Variants in ECM2 observed in about 807,000 individuals in gnomAD.
ECM2 encodes extracellular matrix protein 2, female organ and adipocyte specific.
In ECM2, 57 loss-of-function variants were observed where a neutral mutation model predicts 67.5. The ratio of observed to expected loss-of-function variants is 0.84; its 90% CI spans 0.68 to 1.05. The LOEUF is 1.05. ECM2 is among the 50% of genes least tolerant of loss of function. The pLI, the probability that ECM2 is intolerant of heterozygous loss-of-function variation, is 0.00. For synonymous variants in ECM2, 258 were observed against 294.5 expected (o/e 0.88, Z 1.27); for missense variants, 741 against 822.8 (o/e 0.90, Z 1.22).
At chr9:92,533,853 C>T (rs10435919) in intron 1 of ECM2, among the ~76,000 whole-genome samples, 101,041 of 151,912 alleles carry the variant, frequency 0.67, 35,279 homozygotes, top group African/African-American at 0.89. Context: ...TTAGTGTTGC[C>T]GATGAGAAAT....
chr9:92,551,941 A>T, the ECM2 span, among the ~76,000 whole-genome samples: 1,492 of 64,690 alleles, frequency 0.023, 135 homozygotes, highest in African/African-American at 0.18. Flanking sequence ...ATATATATAT[A>T]TATATATATA....
Position 92,514,957 on chromosome 9 carries a change from C to T in ECM2, c.728G>A (p.Gly243Glu). 5 of 1,614,082 alleles carry T rather than the reference C, an allele frequency of 3.1e-6. No homozygotes were observed. The highest frequency in any genetic ancestry group is 4.2e-6 in the Non-Finnish European group (5 of 1,180,018). The change falls in exon 4 of 10, where the codon GGG (glycine) becomes GAG (glutamate). Residue 243 changes from glycine to glutamate, a missense_variant. By Grantham distance (98) the Gly-to-Glu change is moderately conservative. Coordinates refer to ENST00000344604, the MANE Select transcript of ECM2 (RefSeq NM_001393.4). Reference sequence around the variant, plus strand: ...CTTTCTGTCTCCTCCTCTGCTGTCCCCCTCACTGTAAAGTTGCCCCTGATT... The same window carrying T: ...CTTTCTGTCTCCTCCTCTGCTGTCCTCCTCACTGTAAAGTTGCCCCTGATT... Reference protein sequence around the residue: ...SRNQGQLYSEGDSRGGDRKQR... With the variant: ...SRNQGQLYSEEDSRGGDRKQR...
chr9:92,517,632 A>G (rs759512415), intron 3 of ECM2, 55 bp downstream of exon 3: 40 of 1,603,330 alleles, frequency 2.5e-5, no homozygotes, highest in Non-Finnish European at 3.3e-5. Context: ...ACAAAAACAA[A>G]TGGAAGTTAA....
chr9:92,530,070 CAGG>C (rs937178087), intron 1 of ECM2, among the ~76,000 whole-genome samples: 7 of 151,936 alleles, frequency 4.6e-5, no homozygotes, highest in Non-Finnish European at 8.8e-5. Context: ...TTAAAGTATA[CAGG>C]AGGATATGTG....
chr9:92,522,836 G>GA lies in ECM2; in HGVS notation c.30dup (p.Leu11SerfsTer8), dbSNP rs752987091. 1.2e-5 allele frequency: 19 copies of GA among 1,605,412 alleles called. No homozygotes were observed. The highest frequency in any genetic ancestry group is 1.7e-4 in the Middle Eastern group (1 of 6,046). On this transcript the variant is annotated frameshift_variant, in exon 2 of 10. Coordinates refer to ENST00000344604, the MANE Select transcript of ECM2 (RefSeq NM_001393.4). LOFTEE classifies it high-confidence loss of function. ...AAGTCAGTTTGAAAAATGATAAGCA[G>GA]AAAAAAACAAAACAAAACTGCAATC...
intron 8 of ECM2, 115 bp from the exon 9 acceptor site, chr9:92,501,168 G>C: frequency 9.7e-7 from 1 of 1,032,092 alleles, no homozygotes; most frequent in Non-Finnish European, 1.4e-6. Context: ...CACCCAGTTT[G>C]TAGTGATGAT....
chr9:92,522,410 G>A (rs556569230), intron 2 of ECM2, among the ~76,000 whole-genome samples, 165 bp downstream of exon 2: 3 of 152,174 alleles, frequency 2.0e-5, no homozygotes, highest in East Asian at 3.9e-4. Flanking sequence ...ATTTTAAAAT[G>A]TATGTTTGTA....
intron 1 of ECM2, among the ~76,000 whole-genome samples, chr9:92,533,318 AAAAAAAAAAAATAT>A (rs1285750758): frequency 6.3e-5 from 6 of 94,840 alleles, no homozygotes; most frequent in Non-Finnish European, 1.0e-4. Flanking sequence ...AAAAAAAAAA[AAAAAAAAAAAATAT>A]ATATATATAT....
At chr9:92,554,871 C>T in the ECM2 span, among the ~76,000 whole-genome samples, 4 of 151,040 alleles carry the variant, frequency 2.6e-5, no homozygotes, top group Admixed American at 2.0e-4. Context: ...CTCCTGACCT[C>T]GTGATCCATC....
At chr9:92,497,224 G>A (rs1008595152) in intron 9 of ECM2, among the ~76,000 whole-genome samples, 7 of 152,104 alleles carry the variant, frequency 4.6e-5, no homozygotes, top group African/African-American at 1.2e-4. Context: ...CTATCAATAC[G>A]GAACTGATTG....
rs762598771 is a variant in ECM2 at position 92,514,831 on chromosome 9, T to TCCTCCTCACCCTCCTCAC, written c.836_853dup (p.Gly279_Glu284dup). 1.3e-5 allele frequency: 21 copies of TCCTCCTCACCCTCCTCAC among 1,611,808 alleles called. No individual in the cohort carries two copies. Among genetic ancestry groups the TCCTCCTCACCCTCCTCAC allele is most frequent in the South Asian group, 3.3e-5 (3 of 90,792 alleles). ...TACCGGGTCCTCCTCGTCCTCCTCATCCTCCTCACCCTCCTCACCCTCCTC... is the reference window on the plus strand; with the variant it reads ...TACCGGGTCCTCCTCGTCCTCCTCATCCTCCTCACCCTCCTCACCCTCCTCACCCTCCTCACCCTCCTC... On this transcript the variant is annotated inframe_insertion, in exon 4 of 10. Coordinates refer to ENST00000344604, the MANE Select transcript of ECM2 (RefSeq NM_001393.4).
chr9:92,550,247 T>C, the ECM2 span, among the ~76,000 whole-genome samples: 1 of 151,916 alleles, frequency 6.6e-6, no homozygotes, highest in East Asian at 1.9e-4. Context: ...ATACACAAAA[T>C]TAGCTGGGTG....
chr9:92,521,861 A>G (rs561626678), intron 2 of ECM2, among the ~76,000 whole-genome samples: 4 of 151,548 alleles, frequency 2.6e-5, no homozygotes, highest in Admixed American at 2.0e-4. Context: ...TAGATGATCT[A>G]TTGTTATAAA....
chr9:92,534,425 C>T (rs189206674), intron 1 of ECM2, among the ~76,000 whole-genome samples: 3 of 152,262 alleles, frequency 2.0e-5, no homozygotes, highest in East Asian at 1.9e-4. Context: ...GTTCAACAAA[C>T]GGCAGTCTCT....
chr9:92,551,335 G>A, the ECM2 span, among the ~76,000 whole-genome samples: 1 of 151,958 alleles, frequency 6.6e-6, no homozygotes, highest in African/African-American at 2.4e-5. Context: ...CCAAAATGAC[G>A]TCTGATGCTT....
intron 7 of ECM2, among the ~76,000 whole-genome samples, chr9:92,504,338 A>G (rs1846863563): frequency 6.6e-6 from 1 of 152,186 alleles, no homozygotes; most frequent in African/African-American, 2.4e-5. Context: ...GGTAGCCATG[A>G]CAGCCACATA....
At chr9:92,541,225 C>T (rs536412526), upstream of ECM2, among the ~76,000 whole-genome samples, 7 of 152,220 alleles carry the variant, frequency 4.6e-5, no homozygotes, top group East Asian at 1.9e-4. Context: ...CGCCACTGCA[C>T]GCCAGCCTGG....
chr9:92,519,748 A>T (rs916008034), intron 2 of ECM2, among the ~76,000 whole-genome samples: 3 of 152,194 alleles, frequency 2.0e-5, no homozygotes, highest in African/African-American at 4.8e-5. Context: ...ATAGGGGAAA[A>T]TCTTTATGAC....
At chr9:92,550,884 A>C in the ECM2 span, among the ~76,000 whole-genome samples, 1 of 152,084 alleles carries the variant, frequency 6.6e-6, no homozygotes, top group Admixed American at 6.6e-5. Flanking sequence ...AGCCCGCCAC[A>C]CTTTTCTACC....
Sources: allele counts gnomAD v4.1 joint callset (sites outside exome capture counted in the v4.1 genomes callset), GRCh38; gene constraint gnomAD v4.1.1; transcripts MANE v1.5; gene names NCBI Gene and HGNC (gene_info 2026-07-23, HGNC 2026-07-21).